The following HECTD2 variants were observed in gnomAD, a reference collection of about 807,000 sequenced individuals.
HECTD2 encodes the protein probable E3 ubiquitin-protein ligase HECTD2.
Under a neutral mutation model 103.2 loss-of-function variants are expected in HECTD2, and 35 were observed. The observed-to-expected ratio is 0.34, with a 90% CI of 0.26 to 0.45. The LOEUF (loss-of-function observed/expected upper bound fraction) is 0.45. HECTD2 is among the 20% of genes least tolerant of loss of function. HECTD2 has a pLI of 1.00. For synonymous variants in HECTD2, 281 were observed against 329.9 expected, an observed-to-expected ratio of 0.85 and a Z score of 1.61; for missense variants, 596 against 937.4, an observed-to-expected ratio of 0.64 and a Z score of 4.76.
chr10:91,415,122 G>A (rs939921254), intron 1 of HECTD2, among the ~76,000 whole-genome samples: 1 of 151,916 alleles, frequency 6.6e-6, no homozygotes, highest in Admixed American at 6.6e-5. Flanking sequence ...AGAAATGAAA[G>A]AGAAGAAAGA....
upstream of HECTD2, among the ~76,000 whole-genome samples, chr10:91,409,982 G>C (rs998034454): frequency 6.6e-6 from 1 of 152,174 alleles, no homozygotes; most frequent in Non-Finnish European, 1.5e-5. Context: ...ACCCTTTGCA[G>C]GGCTCGACTT....
chr10:91,462,478 C>G lies in HECTD2; in HGVS notation c.600+294C>G, dbSNP rs41286932. The G allele has an allele frequency of 0.014, 16,260 of 1,183,792 alleles. 141 individuals carry two copies. The highest frequency in any genetic ancestry group is 0.016 in the Non-Finnish European group (15,159 of 949,792). 73.3% of individuals were successfully genotyped at this position (1,183,792 alleles called of 1,614,324 possible). On this transcript the variant is annotated intron_variant, in intron 5 of 20. Coordinates refer to ENST00000298068, the MANE Select transcript of HECTD2 (RefSeq NM_182765.6). ...GTTATTTAATTATATTGGAATTACA[C>G]TGAATCTGTAGATCAGTGGTTCTTA...
chr10:91,464,172 C>T (rs1443556740), intron 5 of HECTD2, among the ~76,000 whole-genome samples: 1 of 152,066 alleles, frequency 6.6e-6, no homozygotes, highest in Non-Finnish European at 1.5e-5. Flanking sequence ...AGCCAAAAGT[C>T]CAATTCTTAA....
At chr10:91,445,372 G>T (rs922389715) in intron 2 of HECTD2, among the ~76,000 whole-genome samples, 2 of 152,124 alleles carry the variant, frequency 1.3e-5, no homozygotes, top group Non-Finnish European at 2.9e-5. Context: ...ATATAAAAAA[G>T]TTTGCTGCTG....
chr10:91,429,307 A>C (rs533044549), intron 2 of HECTD2, among the ~76,000 whole-genome samples: 10 of 152,090 alleles, frequency 6.6e-5, no homozygotes, highest in Middle Eastern at 3.2e-3. Context: ...TTTTTGCATC[A>C]ATGTTCATCA....
At chr10:91,414,502 T>TA (rs998470167) in intron 1 of HECTD2, among the ~76,000 whole-genome samples, 1 of 152,180 alleles carries the variant, frequency 6.6e-6, no homozygotes, top group African/African-American at 2.4e-5. Context: ...GACAAGGTTT[T>TA]AAAAAATGGT....
chr10:91,490,917 AAAG>A (rs1846453123), intron 11 of HECTD2, among the ~76,000 whole-genome samples: 1 of 150,538 alleles, frequency 6.6e-6, no homozygotes, highest in African/African-American at 2.4e-5. Flanking sequence ...AAAAAAAAAA[AAAG>A]AGATGAGACA....
intron 20 of HECTD2, among the ~76,000 whole-genome samples, chr10:91,502,984 G>C (rs1030157261): frequency 6.6e-5 from 10 of 152,080 alleles, no homozygotes; most frequent in Admixed American, 4.6e-4. Context: ...AAAAGACAAG[G>C]ACAACACTCC....
chr10:91,461,848 C>T (rs1291461707), intron 4 of HECTD2, among the ~76,000 whole-genome samples: 1 of 152,134 alleles, frequency 6.6e-6, no homozygotes, highest in Admixed American at 6.5e-5. Context: ...TCACACCCAG[C>T]CCTTAAATGT....
chr10:91,501,911 G>A (rs754675720), intron 20 of HECTD2, among the ~76,000 whole-genome samples: 7 of 151,946 alleles, frequency 4.6e-5, no homozygotes, highest in East Asian at 3.9e-4. Context: ...AATTTCTAAA[G>A]CTAACTTGAA....
At chr10:91,452,220 A>G (rs1194666887) in intron 2 of HECTD2, among the ~76,000 whole-genome samples, 1 of 152,134 alleles carries the variant, frequency 6.6e-6, no homozygotes. Flanking sequence ...TAAAAAAGTA[A>G]CCAAGTTATG....
intron 1 of HECTD2, among the ~76,000 whole-genome samples, chr10:91,416,295 A>G (rs1462810466): frequency 1.3e-5 from 2 of 152,248 alleles, no homozygotes; most frequent in Non-Finnish European, 2.9e-5. Flanking sequence ...ATTAACACAC[A>G]TAAAACATTT....
intron 2 of HECTD2, among the ~76,000 whole-genome samples, chr10:91,443,842 G>A (rs1222790023): frequency 6.6e-6 from 1 of 152,176 alleles, no homozygotes; most frequent in Non-Finnish European, 1.5e-5. Context: ...CTACTTCAGT[G>A]TTACAATTTT....
chr10:91,455,865 C>G (rs1845063965), intron 2 of HECTD2, among the ~76,000 whole-genome samples: 1 of 151,982 alleles, frequency 6.6e-6, no homozygotes, highest in African/African-American at 2.4e-5. Context: ...TCAGGTTTGT[C>G]AAAGATCAGA....
chr10:91,413,727 A>G (rs1270901007), intron 1 of HECTD2, among the ~76,000 whole-genome samples: 1 of 152,190 alleles, frequency 6.6e-6, no homozygotes, highest in African/African-American at 2.4e-5. Context: ...TGTGACAGGT[A>G]TGGATGAAGT....
chr10:91,490,618 G>A (rs775805197), intron 11 of HECTD2, among the ~76,000 whole-genome samples: 9 of 152,062 alleles, frequency 5.9e-5, no homozygotes, highest in African/African-American at 2.2e-4. Context: ...ATGGCCGGGC[G>A]CGGTGGCTCA....
At chr10:91,468,204 A>G (rs1230351578) in intron 5 of HECTD2, among the ~76,000 whole-genome samples, 2 of 152,180 alleles carry the variant, frequency 1.3e-5, no homozygotes, top group Admixed American at 6.5e-5. Context: ...TTGGCACAGC[A>G]GGTTCCTAAC....
At chr10:91,511,356 C>T (rs1193461325) in intron 20 of HECTD2, among the ~76,000 whole-genome samples, 1 of 152,148 alleles carries the variant, frequency 6.6e-6, no homozygotes, top group Non-Finnish European at 1.5e-5. Flanking sequence ...GGGGCATCTA[C>T]TGTCCCCAAA....
intron 3 of HECTD2, 81 bp downstream of exon 3, chr10:91,460,646 A>T (rs548800940): frequency 4.3e-6 from 6 of 1,395,720 alleles, no homozygotes; most frequent in Non-Finnish European, 5.7e-6. Context: ...TATTTGAGAA[A>T]TTAACTTTTG....
Sources: gnomAD v4.1 joint callset for allele counts (sites outside exome capture counted in the v4.1 genomes callset) on GRCh38, gnomAD v4.1.1 for gene constraint, MANE v1.5 for transcripts, NCBI Gene and HGNC (gene_info 2026-07-23, HGNC 2026-07-21) for gene names.